The following ANKFN1 variants were observed in gnomAD, a reference collection of about 807,000 sequenced individuals.
ANKFN1 encodes the protein ankyrin repeat and fibronectin type-III domain-containing protein 1.
Under a neutral mutation model 108.7 loss-of-function variants are expected in ANKFN1, and 74 were observed. The observed-to-expected ratio is 0.68, with a 90% CI of 0.56 to 0.83. The LOEUF is 0.83. Ranked by LOEUF, ANKFN1 falls within the 40% of genes least tolerant of loss-of-function variation. The pLI, the probability that ANKFN1 is intolerant of heterozygous loss-of-function variation, is 0.00. For missense variants in ANKFN1, 1,505 were observed against 1,382.3 expected (o/e 1.09, Z -1.41); for synonymous variants, 547 against 516.2 (o/e 1.06, Z -0.81).
At chr17:56,313,504 G>A (rs548264112) in intron 3 of ANKFN1, among the ~76,000 whole-genome samples, 1 of 152,296 alleles carries the variant, frequency 6.6e-6, no homozygotes, top group African/African-American at 2.4e-5. Flanking sequence ...GTGTGAGCTA[G>A]TAGTAATCTG....
intron 18 of ANKFN1, among the ~76,000 whole-genome samples, chr17:56,488,755 T>C (rs1261666162): frequency 6.6e-6 from 1 of 152,240 alleles, no homozygotes; most frequent in African/African-American, 2.4e-5. Flanking sequence ...TGTTGATTCC[T>C]TGGCTTCCAA....
intron 1 of ANKFN1, among the ~76,000 whole-genome samples, chr17:56,198,305 T>C (rs1436971436): frequency 6.6e-6 from 1 of 152,198 alleles, no homozygotes; most frequent in East Asian, 1.9e-4. Context: ...CATTGGACAG[T>C]TTCAGGATGA....
chr17:56,395,261 AT>A (rs1462156801), intron 8 of ANKFN1, among the ~76,000 whole-genome samples: 2 of 152,160 alleles, frequency 1.3e-5, no homozygotes, highest in African/African-American at 4.8e-5. Flanking sequence ...GACTAACAAC[AT>A]TGGGCCAGTC....
At chr17:56,446,966 T>C (rs1220132427) in intron 10 of ANKFN1, among the ~76,000 whole-genome samples, 1 of 152,092 alleles carries the variant, frequency 6.6e-6, no homozygotes, top group East Asian at 1.9e-4. Context: ...CTCATGCCTG[T>C]AGTCCTAGCA....
At chr17:56,420,254 C>T (rs1227387452) in intron 8 of ANKFN1, among the ~76,000 whole-genome samples, 1 of 152,138 alleles carries the variant, frequency 6.6e-6, no homozygotes, top group Non-Finnish European at 1.5e-5. Flanking sequence ...TAGAGGAATT[C>T]TAGCTCCCAT....
intron 8 of ANKFN1, among the ~76,000 whole-genome samples, chr17:56,377,874 G>A (rs1037877222): frequency 2.6e-5 from 4 of 151,912 alleles, no homozygotes; most frequent in Non-Finnish European, 4.4e-5. Context: ...ATTGGGCCTC[G>A]AAGTGGCCAC....
intron 13 of ANKFN1, 38 bp from the exon 14 acceptor site, chr17:56,457,825 G>T (rs757431332): frequency 6.7e-7 from 1 of 1,503,112 alleles, no homozygotes. Flanking sequence ...TCATGTACTG[G>T]CTTGGACGAT....
At chr17:56,147,950 G>T (rs1264543682) in intron 4 of ANKFN1, among the ~76,000 whole-genome samples, 1 of 152,164 alleles carries the variant, frequency 6.6e-6, no homozygotes, top group Non-Finnish European at 1.5e-5. Flanking sequence ...GCCAGATCCT[G>T]TTCTAAGCAT....
At chr17:56,314,100 T>A (rs1378199814) in intron 3 of ANKFN1, among the ~76,000 whole-genome samples, 3 of 152,254 alleles carry the variant, frequency 2.0e-5, no homozygotes, top group African/African-American at 7.2e-5. Context: ...TTATTGTATG[T>A]CTCAGTAGTT....
At chr17:56,448,038 G>T (rs142451172) in intron 10 of ANKFN1, among the ~76,000 whole-genome samples, 7 of 152,094 alleles carry the variant, frequency 4.6e-5, no homozygotes, top group Non-Finnish European at 1.5e-5. Flanking sequence ...AAGAGACCCC[G>T]TATTTTAAAA....
At chr17:56,456,672 C>A (rs1055386111) in intron 11 of ANKFN1, among the ~76,000 whole-genome samples, 189 bp from the exon 12 acceptor site, 2 of 151,696 alleles carry the variant, frequency 1.3e-5, no homozygotes, top group Non-Finnish European at 2.9e-5. Flanking sequence ...CTGGGATTAC[C>A]AGCGAGAGCC....
chr17:56,360,913 C>A (rs919886267), intron 6 of ANKFN1, among the ~76,000 whole-genome samples: 1 of 152,088 alleles, frequency 6.6e-6, no homozygotes, highest in Non-Finnish European at 1.5e-5. Context: ...CCATCACAAC[C>A]CATGCTCCAC....
intron 3 of ANKFN1, among the ~76,000 whole-genome samples, chr17:56,300,726 G>A (rs1259020606): frequency 1.3e-5 from 2 of 152,126 alleles, no homozygotes; most frequent in African/African-American, 4.8e-5. Flanking sequence ...AGGTTGATAG[G>A]AAGATAGATT....
At position 56,340,162 on chromosome 17, in the gene ANKFN1, T is replaced by C. The variant is rs546843323; in HGVS notation, c.189-10604T>C. Reference sequence around the variant, plus strand: ...CCACTTTTTGATGGGGTTGTTTGTTTCTTGTAAATTTGTTTAAGTTCCTTG... The same window carrying C: ...CCACTTTTTGATGGGGTTGTTTGTTCCTTGTAAATTTGTTTAAGTTCCTTG... On this transcript the variant is annotated intron_variant, in intron 4 of 20. Coordinates refer to ENST00000682825, the MANE Select transcript of ANKFN1 (RefSeq NM_001370326.1). 1.1e-3 allele frequency among the ~76,000 whole-genome samples: 173 copies of C among 152,180 alleles called. 1 individual carries two copies. Among genetic ancestry groups the C allele is most frequent in the Admixed American group, 2.0e-3 (30 of 15,266 alleles).
At chr17:56,308,698 G>T (rs1471013896) in intron 3 of ANKFN1, among the ~76,000 whole-genome samples, 1 of 152,018 alleles carries the variant, frequency 6.6e-6, no homozygotes, top group Non-Finnish European at 1.5e-5. Flanking sequence ...GTTAGCTGTT[G>T]GATTTTTGGT....
At chr17:56,484,913 G>A (rs1035015195) in intron 18 of ANKFN1, among the ~76,000 whole-genome samples, 4 of 152,068 alleles carry the variant, frequency 2.6e-5, no homozygotes, top group African/African-American at 7.2e-5. Context: ...TATAATATAC[G>A]TGACTCCTAA....
chr17:56,510,041 C>G (rs1382795333), intron 20 of ANKFN1, among the ~76,000 whole-genome samples: 1 of 152,174 alleles, frequency 6.6e-6, no homozygotes, highest in East Asian at 1.9e-4. Context: ...CTTCGTTCAC[C>G]CTTTTAAATT....
intron 8 of ANKFN1, among the ~76,000 whole-genome samples, chr17:56,437,760 A>T (rs1347193556): frequency 1.3e-5 from 2 of 152,158 alleles, no homozygotes; most frequent in Non-Finnish European, 2.9e-5. Context: ...CATACATGTA[A>T]TACATATACA....
Position 56,334,285 on chromosome 17 carries a change from G to C in ANKFN1, c.188+7930G>C, listed in dbSNP as rs188295018. On this transcript the variant is annotated intron_variant, in intron 4 of 20. Transcript: ENST00000682825. ...GATCTATAGTATCAGCAAGAATGTT[G>C]ATACTTCCCTAGAAACTGTGGGGGC... Among the ~76,000 whole-genome samples, 193 of 151,868 alleles carry C rather than the reference G, an allele frequency of 1.3e-3. 1 individual carries two copies. The highest frequency in any genetic ancestry group is 0.011 in the South Asian group (55 of 4,796).
Sources: gnomAD v4.1 joint callset for allele counts (sites outside exome capture counted in the v4.1 genomes callset) on GRCh38, gnomAD v4.1.1 for gene constraint, MANE v1.5 for transcripts, NCBI Gene and HGNC (gene_info 2026-07-23, HGNC 2026-07-21) for gene names.